Variants in ARMH3 observed in about 807,000 individuals in gnomAD.
ARMH3 encodes armadillo like helical domain containing 3.
A neutral mutation model predicts 99.1 loss-of-function variants in ARMH3; 60 were observed. The observed-to-expected ratio is 0.61, with a 90% CI of 0.49 to 0.75. ARMH3 has a LOEUF of 0.75. ARMH3 is among the 30% of genes least tolerant of loss of function. The pLI, the probability that ARMH3 is intolerant of heterozygous loss-of-function variation, is 0.00. For missense variants in ARMH3, 679 were observed against 843.1 expected, an observed-to-expected ratio of 0.81 and a Z score of 2.41; for synonymous variants, 285 against 292.8, an observed-to-expected ratio of 0.97 and a Z score of 0.27.
intron 18 of ARMH3, among the ~76,000 whole-genome samples, chr10:101,991,393 T>C (rs548316057): frequency 2.0e-5 from 3 of 151,046 alleles, no homozygotes; most frequent in Non-Finnish European, 4.4e-5. Context: ...GAATTTGAAA[T>C]CTTTTTTTTT....
At chr10:101,895,294 T>TTTC (rs2067796644) in intron 23 of ARMH3, among the ~76,000 whole-genome samples, 1 of 151,528 alleles carries the variant, frequency 6.6e-6, no homozygotes, top group Non-Finnish European at 1.5e-5. Context: ...TTTTTTTTTT[T>TTTC]TTCGAGAGGG....
intron 24 of ARMH3, among the ~76,000 whole-genome samples, chr10:101,865,764 C>T (rs1195642798): frequency 1.3e-5 from 2 of 151,336 alleles, no homozygotes; most frequent in Admixed American, 6.6e-5. Context: ...GCTGGGATTA[C>T]AGGCGTGAGC....
At chr10:101,994,706 C>G (rs1168124132) in intron 16 of ARMH3, among the ~76,000 whole-genome samples, 1 of 152,158 alleles carries the variant, frequency 6.6e-6, no homozygotes, top group East Asian at 1.9e-4. Flanking sequence ...ACCCCTTCAC[C>G]CCATCACAGG....
chr10:102,047,420 G>C (rs2067582990), intron 1 of ARMH3, among the ~76,000 whole-genome samples: 1 of 151,866 alleles, frequency 6.6e-6, no homozygotes, highest in Non-Finnish European at 1.5e-5. Flanking sequence ...CCCTATTTCA[G>C]AATCTCCTGG....
intron 19 of ARMH3, among the ~76,000 whole-genome samples, chr10:101,980,203 TA>T (rs1226042779): frequency 6.6e-6 from 1 of 152,062 alleles, no homozygotes; most frequent in Non-Finnish European, 1.5e-5. Context: ...TAAGTCTTAT[TA>T]TACTAAGCTA....
In ARMH3 at chr10:101,847,633, A is replaced by T; in HGVS notation, c.1978-13T>A. 1.2e-6 allele frequency: 2 copies of T among 1,613,368 alleles called. No homozygotes were observed. The highest frequency in any genetic ancestry group is 1.7e-6 in the Non-Finnish European group (2 of 1,179,342). On this transcript the variant is annotated splice_polypyrimidine_tract_variant and intron_variant, in intron 25 of 25. Transcript: ENST00000370033. ...TAATGGATCGAACCTGGGAAAGGGTAGTTGGGGAAGGTGGGAGGGCGCAGC... is the reference window on the plus strand; with the variant it reads ...TAATGGATCGAACCTGGGAAAGGGTTGTTGGGGAAGGTGGGAGGGCGCAGC...
At chr10:101,947,014 C>A (rs956757493) in intron 22 of ARMH3, among the ~76,000 whole-genome samples, 6 of 151,856 alleles carry the variant, frequency 4.0e-5, no homozygotes, top group Admixed American at 2.0e-4. Flanking sequence ...ATGGTGAAAC[C>A]CCGTCTCTAC....
intron 23 of ARMH3, among the ~76,000 whole-genome samples, chr10:101,898,187 AT>A (rs201720815): frequency 5.4e-5 from 8 of 148,702 alleles, no homozygotes; most frequent in Non-Finnish European, 6.0e-5. Flanking sequence ...AAAAAAAAAA[AT>A]TTTTTTTTTT....
intron 20 of ARMH3, among the ~76,000 whole-genome samples, chr10:101,959,313 G>T (rs1273527148): frequency 6.6e-6 from 1 of 152,194 alleles, no homozygotes; most frequent in South Asian, 2.1e-4. Flanking sequence ...AGTGAGCTAC[G>T]TGGGGGCTGC....
chr10:102,029,140 G>A (rs1479155831), intron 5 of ARMH3, among the ~76,000 whole-genome samples: 1 of 152,166 alleles, frequency 6.6e-6, no homozygotes. Context: ...CTCCCAAAGC[G>A]CTAGGATTAC....
At chr10:102,009,575 T>C in intron 12 of ARMH3, 126 bp from the exon 13 acceptor site, 1 of 860,460 alleles carries the variant, frequency 1.2e-6, no homozygotes, top group South Asian at 1.5e-5. Flanking sequence ...TTTCTAAAGT[T>C]CCCCTTTACT....
At chr10:101,985,250 G>A (rs1846437002) in intron 19 of ARMH3, among the ~76,000 whole-genome samples, 1 of 146,522 alleles carries the variant, frequency 6.8e-6, no homozygotes. Context: ...ATATACGTGT[G>A]TATATATATG....
chr10:101,926,677 C>T (rs1590034715), intron 23 of ARMH3, among the ~76,000 whole-genome samples: 1 of 152,108 alleles, frequency 6.6e-6, no homozygotes, highest in Non-Finnish European at 1.5e-5. Context: ...TGTGGCTAGA[C>T]CTTATAAAAG....
At chr10:102,042,947 C>A (rs1003039980) in intron 1 of ARMH3, among the ~76,000 whole-genome samples, 1 of 152,190 alleles carries the variant, frequency 6.6e-6, no homozygotes, top group Non-Finnish European at 1.5e-5. Context: ...TGGCTCATGC[C>A]TGTAATCCCA....
intron 23 of ARMH3, among the ~76,000 whole-genome samples, chr10:101,915,116 A>G (rs1337161654): frequency 1.3e-5 from 2 of 152,106 alleles, no homozygotes; most frequent in Non-Finnish European, 2.9e-5. Flanking sequence ...TCCTGCTCCA[A>G]TAGTAGACTT....
intron 1 of ARMH3, among the ~76,000 whole-genome samples, chr10:102,053,690 C>T (rs929335659): frequency 2.0e-5 from 3 of 149,616 alleles, no homozygotes; most frequent in Admixed American, 1.3e-4. Flanking sequence ...GAGGGAGTCT[C>T]GCTCTGTCGC....
chr10:101,972,409 AT>A (rs1845808905), intron 20 of ARMH3, among the ~76,000 whole-genome samples: 1 of 152,188 alleles, frequency 6.6e-6, no homozygotes, highest in African/African-American at 2.4e-5. Flanking sequence ...TATAAATAAC[AT>A]TTCATTACAG....
chr10:101,918,126 TG>T (rs1843156612), intron 23 of ARMH3, among the ~76,000 whole-genome samples: 1 of 152,140 alleles, frequency 6.6e-6, no homozygotes, highest in South Asian at 2.1e-4. Flanking sequence ...TTGGCTCGGC[TG>T]ACTGCAACCT....
At chr10:102,012,764 C>CT in intron 10 of ARMH3, 69 bp downstream of exon 10, 3 of 1,466,568 alleles carry the variant, frequency 2.0e-6, no homozygotes, top group South Asian at 2.4e-5. Context: ...CCCAAGAACT[C>CT]TAACAAAACT....
Sources: allele counts gnomAD v4.1 joint callset (sites outside exome capture counted in the v4.1 genomes callset), GRCh38; gene constraint gnomAD v4.1.1; transcripts MANE v1.5; gene names NCBI Gene and HGNC (gene_info 2026-07-23, HGNC 2026-07-21).